IQGAP1: variants seen among roughly 807,000 people sequenced by gnomAD.
IQGAP1 encodes the protein IQ motif containing GTPase activating protein 1.
IQGAP1 carries 66 observed loss-of-function variants against 215.6 expected under a neutral mutation model. The observed-to-expected ratio is 0.31, with a 90% CI of 0.25 to 0.38. IQGAP1 has a LOEUF of 0.38. Ranked by LOEUF, IQGAP1 falls within the 10% of genes least tolerant of loss-of-function variation. The pLI is 1.00. For synonymous variants in IQGAP1, 772 were observed against 728.7 expected (o/e 1.06, Z -0.96); for missense variants, 1,712 against 1,997.1 (o/e 0.86, Z 2.72).
intron 2 of IQGAP1, among the ~76,000 whole-genome samples, chr15:90,402,828 C>T (rs1025349482): frequency 6.6e-6 from 1 of 152,050 alleles, no homozygotes; most frequent in African/African-American, 2.4e-5. Context: ...AAAAAGATAA[C>T]ATTTAAATAG....
At chr15:90,390,747 G>A in intron 1 of IQGAP1, 27 bp from the exon 2 acceptor site, 1 of 1,464,374 alleles carries the variant, frequency 6.8e-7, no homozygotes, top group Non-Finnish European at 9.6e-7. Context: ...AGATCCTGGT[G>A]TTTACATTCT....
rs148636125 is a variant in IQGAP1, at chr15:90,477,710, G to T, written c.3150G>T (p.Thr1050=). 2 of 1,613,894 alleles carry T rather than the reference G, an allele frequency of 1.2e-6. No individual in the cohort carries two copies. The highest frequency in any genetic ancestry group is 1.7e-6 in the Non-Finnish European group (2 of 1,179,888). Residue 1050 remains threonine (T), a synonymous_variant, in exon 26 of 38, where the codon ACG becomes ACT. Transcript: ENST00000268182. ...QIQEIVTGNP[T]VIKMVVSFNR... is the part of the protein sequence containing the mutation. ...AAGAGATTGTGACAGGAAATCCTAC[G>T]GTTATTAAAATGGTTGTAAGTTTCA...
At chr15:90,453,106 T>A (rs1283655373) in intron 12 of IQGAP1, 26 bp from the exon 13 acceptor site, 1 of 1,585,262 alleles carries the variant, frequency 6.3e-7, no homozygotes, top group Non-Finnish European at 8.6e-7. Context: ...TCCTCACTGT[T>A]TTCCCTTCTG....
In IQGAP1 at chr15:90,441,558, C is replaced by G. The variant is rs144196846; in HGVS notation, c.702C>G (p.Ala234=). ...INEAIDRRIP[A]DTFAALKNPN... is the part of the protein sequence containing the mutation. ...AAGCTATTGACCGTAGAATTCCAGC[C>G]GACACATTTGCAGCTTTGAAAAATC... is the stretch of plus-strand genomic sequence containing the variant. Residue 234 remains alanine (A), a synonymous_variant, in exon 8 of 38, where the codon GCC becomes GCG. Transcript: ENST00000268182. The G allele has an allele frequency of 6.2e-7, 1 of 1,613,550 alleles. No individual in the cohort carries two copies. The highest frequency in any genetic ancestry group is 8.5e-7 in the Non-Finnish European group (1 of 1,179,932).
At chr15:90,453,710 T>C (rs1475408815) in intron 13 of IQGAP1, among the ~76,000 whole-genome samples, 1 of 152,222 alleles carries the variant, frequency 6.6e-6, no homozygotes, top group Non-Finnish European at 1.5e-5. Context: ...CCTTTCTTCA[T>C]GAGACTGACT....
intron 2 of IQGAP1, among the ~76,000 whole-genome samples, chr15:90,404,606 A>AT (rs1317467221): frequency 0.015 from 2,208 of 146,956 alleles, 41 homozygotes; most frequent in African/African-American, 0.049. Context: ...TTGTCCTTTA[A>AT]TTTTTTTTTT....
chr15:90,450,805 G>GT (rs201504643), intron 11 of IQGAP1, among the ~76,000 whole-genome samples: 7,065 of 127,302 alleles, frequency 0.055, 254 homozygotes, highest in Non-Finnish European at 0.072. Flanking sequence ...TATTTGTGGG[G>GT]TTTTTTTTTG....
rs192409818 is a variant in IQGAP1, at chr15:90,429,043, G to A, written c.313-546G>A. 5.6e-3 allele frequency among the ~76,000 whole-genome samples: 851 copies of A among 152,142 alleles called. 7 individuals are homozygous for A. The highest frequency in any genetic ancestry group is 0.02 in the African/African-American group (822 of 41,504). ...AATTTTTGTATTTTTAGTAGAGATG[G>A]GATTTCACCATGTTGGCCAGGCTGA... On this transcript the variant is annotated intron_variant, in intron 3 of 37. Coordinates refer to ENST00000268182, the MANE Select transcript of IQGAP1 (RefSeq NM_003870.4).
At chr15:90,474,287 G>A in intron 22 of IQGAP1, 154 bp downstream of exon 22, 1 of 781,734 alleles carries the variant, frequency 1.3e-6, no homozygotes. Flanking sequence ...CATGTGGCTA[G>A]GTGTCTTGTT....
chr15:90,416,859 G>A (rs546488911), intron 2 of IQGAP1, among the ~76,000 whole-genome samples: 51 of 152,220 alleles, frequency 3.4e-4, no homozygotes, highest in South Asian at 8.3e-4. Context: ...TTACAGACGT[G>A]AGCCGCTGTG....
intron 34 of IQGAP1, 150 bp from the exon 35 acceptor site, chr15:90,492,395 C>T (rs1966217363): frequency 1.7e-6 from 1 of 581,076 alleles, no homozygotes; most frequent in African/African-American, 2.1e-5. Context: ...CCACTGCACA[C>T]TCGAGCCTGG....
intron 2 of IQGAP1, among the ~76,000 whole-genome samples, chr15:90,420,499 C>T (rs1719001563): frequency 6.6e-6 from 1 of 152,154 alleles, no homozygotes; most frequent in Non-Finnish European, 1.5e-5. Flanking sequence ...ATGTTTGATT[C>T]TCTGTCAGTA....
intron 5 of IQGAP1, among the ~76,000 whole-genome samples, chr15:90,435,159 T>A (rs1406850494): frequency 6.6e-6 from 1 of 151,642 alleles, no homozygotes; most frequent in East Asian, 1.9e-4. Flanking sequence ...GATCTCGTGT[T>A]GAGAATGTAG....
chr15:90,493,155 A>G (rs1167049934), intron 35 of IQGAP1, among the ~76,000 whole-genome samples: 1 of 152,012 alleles, frequency 6.6e-6, no homozygotes, highest in Non-Finnish European at 1.5e-5. Flanking sequence ...AGGCAGGAGA[A>G]TTACCTGAAC....
intron 2 of IQGAP1, among the ~76,000 whole-genome samples, chr15:90,401,422 A>T (rs1367467838): frequency 6.6e-6 from 1 of 152,232 alleles, no homozygotes; most frequent in African/African-American, 2.4e-5. Flanking sequence ...TAAGGCAGCT[A>T]AAGGAAAGCC....
Position 90,449,615 on chromosome 15 carries a change from A to G in IQGAP1, c.1134A>G (p.Ala378=), listed in dbSNP as rs761411293. Residue 378 remains alanine (A), a synonymous_variant, in exon 11 of 38, where the codon GCA becomes GCG. Coordinates refer to ENST00000268182, the MANE Select transcript of IQGAP1 (RefSeq NM_003870.4). The part of the protein sequence containing the change: ...KEELQSGVDA[A]NSAAQQYQRR... ...AGCTGCAGTCTGGAGTGGATGCTGC[A>G]AACAGTGCTGCCCAGCAATATCAGA... 1.7e-5 allele frequency: 28 copies of G among 1,612,938 alleles called. No homozygotes were observed. The South Asian group carries it at 2.8e-4, about 16-fold the overall frequency.
At chr15:90,470,912 C>T (rs1965895525) in intron 18 of IQGAP1, among the ~76,000 whole-genome samples, 1 of 152,074 alleles carries the variant, frequency 6.6e-6, no homozygotes, top group South Asian at 2.1e-4. Flanking sequence ...TCTCTTGCTA[C>T]CTTCCTTTCT....
At chr15:90,401,093 G>A (rs373464852) in intron 2 of IQGAP1, among the ~76,000 whole-genome samples, 55 of 152,232 alleles carry the variant, frequency 3.6e-4, no homozygotes, top group Admixed American at 7.2e-4. Flanking sequence ...AGACCATATC[G>A]TTGAGTTAGC....
intron 28 of IQGAP1, 165 bp from the exon 29 acceptor site, chr15:90,483,196 T>A: frequency 1.7e-6 from 1 of 587,384 alleles, no homozygotes. Context: ...TTCCAGGCCA[T>A]GAGAGAGAGT....
Sources: allele counts gnomAD v4.1 joint callset (sites outside exome capture counted in the v4.1 genomes callset), GRCh38; gene constraint gnomAD v4.1.1; transcripts MANE v1.5; gene names NCBI Gene and HGNC (gene_info 2026-07-23, HGNC 2026-07-21).